The following HAVCR2 variants were observed in gnomAD, a reference collection of about 807,000 sequenced individuals.
HAVCR2 encodes hepatitis A virus cellular receptor 2, also known as T cell immunoglobulin mucin 3.
HAVCR2 carries 13 observed loss-of-function variants against 24.7 expected under a neutral mutation model. The ratio of observed to expected loss-of-function variants is 0.53; its 90% CI spans 0.34 to 0.84. The LOEUF (loss-of-function observed/expected upper bound fraction) is 0.84, where lower values mean the gene tolerates loss of function less well. HAVCR2 is among the 40% of genes least tolerant of loss of function. The probability of loss-of-function intolerance (pLI) is 0.01; values close to 1 mark genes in which losing one functional copy is unlikely to be tolerated. For synonymous variants in HAVCR2, 154 were observed against 143.4 expected (o/e 1.07, Z -0.53); for missense variants, 343 against 371.2 (o/e 0.92, Z 0.62).
chr5:157,100,667 AG>A (rs1183554744), intron 3 of HAVCR2, among the ~76,000 whole-genome samples: 1 of 152,260 alleles, frequency 6.6e-6, no homozygotes, highest in African/African-American at 2.4e-5. Flanking sequence ...ATGTGTATAA[AG>A]GGTTTGACTA....
At chr5:157,091,319 C>T (rs554188453) in intron 5 of HAVCR2, among the ~76,000 whole-genome samples, 1 of 152,178 alleles carries the variant, frequency 6.6e-6, no homozygotes, top group Non-Finnish European at 1.5e-5. Context: ...GCGGCACATG[C>T]ATGAAATCCC....
At chr5:157,097,441 G>T (rs974068705) in intron 4 of HAVCR2, among the ~76,000 whole-genome samples, 3 of 151,804 alleles carry the variant, frequency 2.0e-5, no homozygotes, top group Non-Finnish European at 4.4e-5. Flanking sequence ...AATATTTTTT[G>T]TAGAGACAGG....
intron 4 of HAVCR2, among the ~76,000 whole-genome samples, chr5:157,096,619 A>G (rs1385330751): frequency 6.6e-6 from 1 of 151,978 alleles, no homozygotes; most frequent in African/African-American, 2.4e-5. Flanking sequence ...TCTACTAAAA[A>G]TACAAAAATT....
In HAVCR2 at chr5:157,093,425, T is replaced by C. The variant is rs539406671; in HGVS notation, c.676+1881A>G. 2.0e-5 allele frequency among the ~76,000 whole-genome samples: 3 copies of C among 152,230 alleles called. No homozygotes were observed. In the South Asian group the frequency reaches 6.2e-4, roughly 32 times the overall value. ...CTTGGCAGCTTCAGTCCACAGTTAG[T>C]GGGGGGACCAACTCATGTTTTTCTT... is the stretch of plus-strand genomic sequence containing the variant. On this transcript the variant is annotated intron_variant, in intron 5 of 6. Coordinates refer to ENST00000307851, the MANE Select transcript of HAVCR2 (RefSeq NM_032782.5).
chr5:157,092,913 A>AAAAAAAAAAAAAAAT (rs1561619880), intron 5 of HAVCR2, among the ~76,000 whole-genome samples: 20 of 123,026 alleles, frequency 1.6e-4, no homozygotes, highest in African/African-American at 6.2e-4. Context: ...AAAAAAAAAA[A>AAAAAAAAAAAAAAAT]AAAAACTAGC....
intron 6 of HAVCR2, among the ~76,000 whole-genome samples, chr5:157,088,229 C>T (rs1756942396): frequency 6.6e-6 from 1 of 152,166 alleles, no homozygotes; most frequent in Admixed American, 6.5e-5. Flanking sequence ...TTTTGTAATC[C>T]AAATATATTG....
In HAVCR2 at chr5:157,095,367, G is replaced by C. The variant is rs7727003; in HGVS notation, c.615C>G (p.Ile205Met). 14 of 1,614,158 alleles carry C rather than the reference G, an allele frequency of 8.7e-6. No homozygotes were observed. The highest frequency in any genetic ancestry group is 2.2e-5 in the East Asian group (1 of 44,884). Reference sequence around the variant, plus strand: ...CCAGCCCAGCACAGATCCCTGCTCCGATGTAGATGCCTATTCTGATGGTTG... The same window carrying C: ...CCAGCCCAGCACAGATCCCTGCTCCCATGTAGATGCCTATTCTGATGGTTG... The part of the protein sequence containing the change: ...SGATIRIGIY[I>M]GAGICAGLAL... Residue 205 changes from isoleucine to methionine, a missense_variant, in exon 5 of 7, where the codon ATC becomes ATG. Coordinates refer to ENST00000307851, the MANE Select transcript of HAVCR2 (RefSeq NM_032782.5).
chr5:157,107,954 G>C (rs992201007), intron 1 of HAVCR2, among the ~76,000 whole-genome samples: 22 of 147,604 alleles, frequency 1.5e-4, no homozygotes, highest in African/African-American at 4.3e-4. Flanking sequence ...TTCTGAGAAA[G>C]TCATAGACCT....
At position 157,109,026 on chromosome 5, in the gene HAVCR2, C is replaced by T; in HGVS notation, c.-43G>A. The T allele has an allele frequency of 1.3e-6, 2 of 1,569,818 alleles. No individual in the cohort carries two copies. Among genetic ancestry groups the T allele is most frequent in the Non-Finnish European group, 8.8e-7 (1 of 1,140,190 alleles). ...AGTCAGAGGACACCTCTGTTAGGCA[C>T]AGTTTTAACTCTCCAAATGGACTGG... On this transcript the variant is annotated 5_prime_UTR_variant, in exon 1 of 7. In the 5' UTR this introduces an upstream ATG that the reference lacks. Coordinates refer to ENST00000307851, the MANE Select transcript of HAVCR2 (RefSeq NM_032782.5).
At chr5:157,090,017 C>A (rs1275634857) in intron 5 of HAVCR2, among the ~76,000 whole-genome samples, 1 of 151,904 alleles carries the variant, frequency 6.6e-6, no homozygotes. Flanking sequence ...GGTCAGGAAT[C>A]CAGGTGTGGC....
chr5:157,092,848 C>G (rs11955615), intron 5 of HAVCR2, among the ~76,000 whole-genome samples: 4 of 118,476 alleles, frequency 3.4e-5, no homozygotes, highest in Non-Finnish European at 6.5e-5. Context: ...GACCAATTTT[C>G]TGGGCAACAT....
intron 5 of HAVCR2, among the ~76,000 whole-genome samples, chr5:157,093,442 G>A (rs1299381742): frequency 6.6e-6 from 1 of 152,120 alleles, no homozygotes; most frequent in Non-Finnish European, 1.5e-5. Flanking sequence ...ACCAACTCAT[G>A]TTTTTCTTGG....
intron 5 of HAVCR2, among the ~76,000 whole-genome samples, chr5:157,091,386 C>T (rs1321935279): frequency 1.3e-5 from 2 of 150,194 alleles, no homozygotes; most frequent in African/African-American, 4.9e-5. Context: ...GCAGAGGTTG[C>T]AGTGAGCCAA....
At chr5:157,098,262 C>A (rs1221625947) in intron 4 of HAVCR2, among the ~76,000 whole-genome samples, 1 of 151,942 alleles carries the variant, frequency 6.6e-6, no homozygotes, top group Admixed American at 6.6e-5. Context: ...AAAAAATTAG[C>A]CGGGTGTGGT....
intron 4 of HAVCR2, among the ~76,000 whole-genome samples, chr5:157,095,676 C>T (rs1757086072): frequency 6.7e-6 from 1 of 148,994 alleles, no homozygotes; most frequent in Non-Finnish European, 1.5e-5. Flanking sequence ...CAAAATGTGC[C>T]CTTCTGTGTT....
intron 2 of HAVCR2, among the ~76,000 whole-genome samples, chr5:157,105,682 C>T (rs1202891061): frequency 6.6e-6 from 1 of 152,140 alleles, no homozygotes; most frequent in African/African-American, 2.4e-5. Context: ...GTAAACTCAG[C>T]TCTATCTGGG....
intron 3 of HAVCR2, among the ~76,000 whole-genome samples, chr5:157,102,057 C>T (rs992148004): frequency 7.3e-5 from 11 of 151,284 alleles, no homozygotes; most frequent in African/African-American, 2.7e-4. Context: ...CTGCCTCAGC[C>T]TCCTGAGTAG....
At chr5:157,105,490 A>C (rs1696283502) in intron 2 of HAVCR2, among the ~76,000 whole-genome samples, 1 of 152,158 alleles carries the variant, frequency 6.6e-6, no homozygotes, top group African/African-American at 2.4e-5. Flanking sequence ...GGTGCATTTT[A>C]GGTTTTAGAT....
intron 4 of HAVCR2, among the ~76,000 whole-genome samples, chr5:157,096,729 G>T (rs1021986705): frequency 3.3e-5 from 5 of 151,874 alleles, no homozygotes; most frequent in Non-Finnish European, 7.4e-5. Flanking sequence ...GTGAGCCAAG[G>T]TTGTGCCATT....
Sources: gnomAD v4.1 joint callset for allele counts (sites outside exome capture counted in the v4.1 genomes callset) on GRCh38, gnomAD v4.1.1 for gene constraint, MANE v1.5 for transcripts, NCBI Gene and HGNC (gene_info 2026-07-23, HGNC 2026-07-21) for gene names.